The following BRAF variants were observed in gnomAD, a reference collection of about 807,000 sequenced individuals.
BRAF encodes B-Raf proto-oncogene, serine/threonine kinase, also known as serine/threonine-protein kinase B-raf.
BRAF carries 16 observed loss-of-function variants against 104.6 expected under a neutral mutation model. The observed-to-expected ratio is 0.15, with a 90% CI of 0.10 to 0.23. The LOEUF is 0.23. BRAF is among the 10% of genes least tolerant of loss of function. The pLI, the probability that BRAF is intolerant of heterozygous loss-of-function variation, is 1.00. For synonymous variants in BRAF, 310 were observed against 341.6 expected, an observed-to-expected ratio of 0.91 and a Z score of 1.02; for missense variants, 541 against 937.3, an observed-to-expected ratio of 0.58 and a Z score of 5.52.
At position 140,724,576 on chromosome 7, in the gene BRAF, A is replaced by G. The variant is rs1214500759; in HGVS notation, c.*1918T>C. The G allele has an allele frequency of 2.4e-5, 25 of 1,040,872 alleles. No individual in the cohort carries two copies. The highest frequency in any genetic ancestry group is 1.1e-4 in the Admixed American group (2 of 17,904). The allele number at this position is 1,040,872 out of a possible 1,614,324, so 64.5% of individuals were successfully genotyped here. A position where few individuals can be genotyped will look rare whatever the true frequency, so the allele number is the denominator to read the frequency against. On this transcript the variant is annotated 3_prime_UTR_variant, in exon 20 of 20. Transcript: ENST00000644969. Reference sequence around the variant, plus strand: ...GGATCTTTTCCATTTTACTAGGACAACCTTTTACAAGACAATGAAAATTTC... The same window carrying G: ...GGATCTTTTCCATTTTACTAGGACAGCCTTTTACAAGACAATGAAAATTTC...
intron 2 of BRAF, chr7:140,836,181 C>T (rs1306333742): frequency 2.6e-5 from 4 of 152,068 alleles, no homozygotes; most frequent in African/African-American, 9.7e-5. Flanking sequence ...CAATGTCATA[C>T]AATACCTGGG....
At chr7:140,829,620 T>C (rs1806489533) in intron 3 of BRAF, among the ~76,000 whole-genome samples, 2 of 152,314 alleles carry the variant, frequency 1.3e-5, no homozygotes, top group South Asian at 4.1e-4. Flanking sequence ...GCTATTAACT[T>C]CCATCAGATC....
intron 1 of BRAF, among the ~76,000 whole-genome samples, chr7:140,865,412 A>C (rs1810854344): frequency 1.3e-5 from 2 of 152,170 alleles, no homozygotes; most frequent in African/African-American, 2.4e-5. Flanking sequence ...AAAGTGAAGA[A>C]GCAGCTGCAC....
At chr7:140,747,775 G>C (rs1433353095) in intron 17 of BRAF, among the ~76,000 whole-genome samples, 1 of 152,100 alleles carries the variant, frequency 6.6e-6, no homozygotes, top group African/African-American at 2.4e-5. Context: ...GTAAATTAGA[G>C]ACCATTTTGC....
chr7:140,896,136 A>G (rs143240968), intron 1 of BRAF, among the ~76,000 whole-genome samples: 1 of 152,242 alleles, frequency 6.6e-6, no homozygotes, highest in African/African-American at 2.4e-5. Flanking sequence ...GCATTTCCCA[A>G]GTCTTCTACA....
chr7:140,814,298 T>G (rs1421956957), intron 3 of BRAF, among the ~76,000 whole-genome samples: 1 of 152,192 alleles, frequency 6.6e-6, no homozygotes, highest in Admixed American at 6.5e-5. Flanking sequence ...ATTTTTAAAG[T>G]GAACTGAAAT....
At chr7:140,733,614 G>A (rs1461544049) in intron 19 of BRAF, 2 of 152,170 alleles carry the variant, frequency 1.3e-5, no homozygotes, top group African/African-American at 4.8e-5. Flanking sequence ...ATCTTGCTGG[G>A]CAAAGAATAT....
chr7:140,817,938 C>A (rs1387816598), intron 3 of BRAF, among the ~76,000 whole-genome samples: 1 of 151,912 alleles, frequency 6.6e-6, no homozygotes, highest in African/African-American at 2.4e-5. Context: ...TATGTGTTAA[C>A]ATATAAATAC....
chr7:140,816,127 A>G (rs1001656089), intron 3 of BRAF, among the ~76,000 whole-genome samples: 2 of 152,246 alleles, frequency 1.3e-5, no homozygotes, highest in South Asian at 2.1e-4. Flanking sequence ...ATTTAAACAC[A>G]GTAATTTACG....
Position 140,896,882 on chromosome 7 carries a change from A to AAG in BRAF, c.138+27683_138+27684insCT, listed in dbSNP as rs1381138288. On this transcript the variant is annotated intron_variant, in intron 1 of 19. Coordinates refer to ENST00000644969, the MANE Select transcript of BRAF (RefSeq NM_001374258.1). ...CCATCTCAAAAAAAAAAAAAAAAAAAGGGGTGGGGGGGGAAGAGACCTATA... is the reference window on the plus strand; with the variant it reads ...CCATCTCAAAAAAAAAAAAAAAAAAAAGGGGGTGGGGGGGGAAGAGACCTATA... Among the ~76,000 whole-genome samples the AAG allele has an allele frequency of 6.6e-3, 900 of 135,380 alleles. 22 individuals are homozygous for AAG. Among genetic ancestry groups the AAG allele is most frequent in the African/African-American group, 0.023 (836 of 36,790 alleles). 88.8% of individuals were successfully genotyped at this position (135,380 alleles called of 152,430 possible). A position where few individuals can be genotyped will look rare whatever the true frequency, so the allele number is the denominator to read the frequency against.
In BRAF at chr7:140,857,861, TAAAC is replaced by T. The variant is rs1395253736; in HGVS notation, c.139-7653_139-7650del. ...CAGATGGTATGCAAAAACAAACAAA[TAAAC>T]AAAAAACCTTCAAAATTCCATAAAA... On this transcript the variant is annotated intron_variant, in intron 1 of 19. Transcript: ENST00000644969. Among the ~76,000 whole-genome samples the T allele has an allele frequency of 2.0e-5, 3 of 151,462 alleles. No homozygotes were observed. The East Asian group carries it at 5.8e-4, about 29-fold the overall frequency.
At chr7:140,905,651 A>T (rs1227592783) in intron 1 of BRAF, among the ~76,000 whole-genome samples, 1 of 152,152 alleles carries the variant, frequency 6.6e-6, no homozygotes, top group Non-Finnish European at 1.5e-5. Flanking sequence ...TTTAGATTTA[A>T]ATCTACCCAT....
At chr7:140,849,820 AT>A (rs1257151205) in intron 2 of BRAF, among the ~76,000 whole-genome samples, 4 of 136,426 alleles carry the variant, frequency 2.9e-5, no homozygotes, top group African/African-American at 9.9e-5. Flanking sequence ...TCAAAAAAAA[AT>A]AAATAAATAA....
In BRAF at chr7:140,719,507, G is replaced by T; in HGVS notation, c.*6987C>A. 1 of 1,031,542 alleles carries T rather than the reference G, an allele frequency of 9.7e-7. No homozygotes were observed. Among genetic ancestry groups the T allele is most frequent in the Non-Finnish European group, 1.2e-6 (1 of 853,758 alleles). 63.9% of individuals were successfully genotyped at this position (1,031,542 alleles called of 1,614,324 possible). A position where few individuals can be genotyped will look rare whatever the true frequency, so the allele number is the denominator to read the frequency against. ...ATTCTCCATGCTTTCTATCCAAACT[G>T]AACAATATTTTCTGTTATACAAATT... On this transcript the variant is annotated 3_prime_UTR_variant, in exon 20 of 20. Transcript: ENST00000644969.
intron 1 of BRAF, among the ~76,000 whole-genome samples, chr7:140,901,046 C>T (rs1815572032): frequency 6.6e-6 from 1 of 152,192 alleles, no homozygotes; most frequent in African/African-American, 2.4e-5. Context: ...GCAGTAGATT[C>T]TCCTCTCCTT....
chr7:140,891,188 A>G (rs1166319538), intron 1 of BRAF, among the ~76,000 whole-genome samples: 2 of 152,194 alleles, frequency 1.3e-5, no homozygotes, highest in East Asian at 3.9e-4. Flanking sequence ...GGGGAAAACA[A>G]AAGTACTTAG....
chr7:140,914,063 T>C (rs1817313053), intron 1 of BRAF, among the ~76,000 whole-genome samples: 1 of 152,232 alleles, frequency 6.6e-6, no homozygotes, highest in South Asian at 2.1e-4. Flanking sequence ...GCTAAGCATA[T>C]TGAACATTCA....
chr7:140,787,781 A>T (rs1444636199), intron 8 of BRAF, among the ~76,000 whole-genome samples, 197 bp from the exon 9 acceptor site: 1 of 152,228 alleles, frequency 6.6e-6, no homozygotes, highest in East Asian at 1.9e-4. Flanking sequence ...TTGCCAATGT[A>T]AACCTATAAT....
intron 3 of BRAF, 191 bp downstream of exon 3, chr7:140,834,418 A>C: frequency 1.2e-6 from 1 of 811,018 alleles, no homozygotes; most frequent in Admixed American, 2.7e-5. Flanking sequence ...ACTAGAGACA[A>C]TACCATTTAT....
Sources: allele counts gnomAD v4.1 joint callset (sites outside exome capture counted in the v4.1 genomes callset), GRCh38; gene constraint gnomAD v4.1.1; transcripts MANE v1.5; gene names NCBI Gene and HGNC (gene_info 2026-07-23, HGNC 2026-07-21).